XKR5: variants seen among roughly 807,000 people sequenced by gnomAD.
XKR5 encodes XK related 5, also known as XK-related protein 5.
In XKR5, 46 loss-of-function variants were observed where a neutral mutation model predicts 40.8. That is an observed-to-expected ratio of 1.13 (90% confidence interval 0.89 to 1.44). XKR5 has a LOEUF of 1.44. Ranked by LOEUF, XKR5 falls within the 40% of genes most tolerant of loss-of-function variation. The pLI is 0.00. For synonymous variants in XKR5, 466 were observed against 356.1 expected, an observed-to-expected ratio of 1.31 and a Z score of -3.48; for missense variants, 1,169 against 844.7, an observed-to-expected ratio of 1.38 and a Z score of -4.76.
At position 6,823,538 on chromosome 8, in the gene XKR5, CA is replaced by C. The variant is rs1563356441; in HGVS notation, c.619del (p.Trp207GlyfsTer12). ...LVLFYKAYHFWVFVVAGAHWL... is the reference protein window; with the variant it reads ...LVLFYKAYHFXVFVVAGAHWL... ...CAGCTCACCTGCAACCACAAAAACCCAAAAGTGGTAGGCTTTGTAGAACAGA... is the reference window on the plus strand; with the variant it reads ...CAGCTCACCTGCAACCACAAAAACCCAAAGTGGTAGGCTTTGTAGAACAGA... On this transcript the variant is annotated frameshift_variant, in exon 4 of 7. Coordinates refer to ENST00000618742, the MANE Select transcript of XKR5 (RefSeq NM_207411.5). LOFTEE classifies it high-confidence loss of function. 6.3e-7 allele frequency: 1 copy of C among 1,590,228 alleles called. No individual in the cohort carries two copies. The highest frequency in any genetic ancestry group is 2.3e-5 in the East Asian group (1 of 43,834).
chr8:6,831,409 G>A (rs1360079267), intron 2 of XKR5, among the ~76,000 whole-genome samples: 1 of 152,176 alleles, frequency 6.6e-6, no homozygotes, highest in Non-Finnish European at 1.5e-5. Flanking sequence ...GTCCAACTCT[G>A]AGGGTCCAGT....
chr8:6,823,380 C>G, intron 4 of XKR5, 141 bp downstream of exon 4: 1 of 855,492 alleles, frequency 1.2e-6, no homozygotes, highest in East Asian at 2.7e-5. Flanking sequence ...CTGAGGCCAC[C>G]CAAGCAAGAT....
intron 2 of XKR5, among the ~76,000 whole-genome samples, chr8:6,829,554 T>A (rs1253613716): frequency 1.3e-5 from 2 of 152,202 alleles, no homozygotes; most frequent in African/African-American, 4.8e-5. Context: ...CTCATTCTGT[T>A]GCCTAGGTTG....
At chr8:6,834,984 G>A (rs958253103) in intron 1 of XKR5, among the ~76,000 whole-genome samples, 2 of 152,304 alleles carry the variant, frequency 1.3e-5, no homozygotes, top group East Asian at 1.9e-4. Flanking sequence ...AAGTCGCAGG[G>A]TCCCCCTGGA....
intron 1 of XKR5, among the ~76,000 whole-genome samples, chr8:6,833,232 A>C (rs1052934397): frequency 6.6e-6 from 1 of 152,180 alleles, no homozygotes; most frequent in South Asian, 2.1e-4. Context: ...TATACCCCAA[A>C]GCCACAGAAA....
chr8:6,821,354 T>C (rs1804216322), intron 5 of XKR5, among the ~76,000 whole-genome samples: 2 of 152,232 alleles, frequency 1.3e-5, no homozygotes, highest in Admixed American at 1.3e-4. Flanking sequence ...AGCTACGTTC[T>C]GTCTGATTTT....
At position 6,811,976 on chromosome 8, in the gene XKR5, C is replaced by T. The variant is rs77060482; in HGVS notation, c.1283G>A (p.Ser428Asn). Residue 428 changes from serine (S) to asparagine (N), a missense_variant, in exon 7 of 7, where the codon AGT becomes AAT. Coordinates refer to ENST00000618742, the MANE Select transcript of XKR5 (RefSeq NM_207411.5). ...SKINAAFGDN[S>N]PAYCPPAWGL... The stretch of plus-strand genomic sequence containing the variant: ...CCATGCAGGTGGACAATAGGCAGGA[C>T]TGTTATCTCCAAAGGCGGCATTGAT... The T allele has an allele frequency of 6.5e-7, 1 of 1,537,318 alleles. No homozygotes were observed. The highest frequency in any genetic ancestry group is 8.7e-7 in the Non-Finnish European group (1 of 1,146,936).
intron 6 of XKR5, among the ~76,000 whole-genome samples, chr8:6,813,575 A>G (rs562300967): frequency 2.0e-5 from 3 of 152,264 alleles, no homozygotes; most frequent in Admixed American, 6.5e-5. Context: ...TTGGACTACA[A>G]TTTGGGTTCA....
rs370925407 is a variant in XKR5 at position 6,819,624 on chromosome 8, A to G, written c.807+2245T>C. 8.6e-4 allele frequency among the ~76,000 whole-genome samples: 131 copies of G among 152,276 alleles called. 2 individuals carry two copies. Among genetic ancestry groups the G allele is most frequent in the African/African-American group, 3.1e-3 (129 of 41,574 alleles). On this transcript the variant is annotated intron_variant, in intron 5 of 6. Coordinates refer to ENST00000618742, the MANE Select transcript of XKR5 (RefSeq NM_207411.5). ...CCAGACTCAGGTCTGGGCAGTGTGC[A>G]TGGTGAAGTGCGAGGTGAGCATGTC...
chr8:6,832,438 C>G (rs10098895), intron 2 of XKR5, among the ~76,000 whole-genome samples: 10,498 of 152,198 alleles, frequency 0.069, 1,182 homozygotes, highest in African/African-American at 0.24. Context: ...ACCAACAAAT[C>G]AAAACAGCAA....
At chr8:6,832,202 G>C (rs1205112526) in intron 2 of XKR5, among the ~76,000 whole-genome samples, 1 of 152,032 alleles carries the variant, frequency 6.6e-6, no homozygotes, top group African/African-American at 2.4e-5. Flanking sequence ...TCACGGATAA[G>C]CCCACCAGGC....
At chr8:6,829,634 G>C (rs1193337535) in intron 2 of XKR5, among the ~76,000 whole-genome samples, 1 of 152,130 alleles carries the variant, frequency 6.6e-6, no homozygotes, top group Non-Finnish European at 1.5e-5. Context: ...TCATGCTTCA[G>C]TCTCCTGAGT....
intron 5 of XKR5, among the ~76,000 whole-genome samples, chr8:6,816,216 G>C (rs1357677047): frequency 6.6e-6 from 1 of 152,170 alleles, no homozygotes; most frequent in African/African-American, 2.4e-5. Context: ...AGTCATTATG[G>C]GCTGAGAGGG....
In XKR5 at chr8:6,815,886, C is replaced by G. The variant is rs548843047; in HGVS notation, c.840G>C (p.Leu280=). The G allele has an allele frequency of 6.2e-7, 1 of 1,603,772 alleles. No homozygotes were observed. The highest frequency in any genetic ancestry group is 8.5e-7 in the Non-Finnish European group (1 of 1,175,238). Residue 280 remains leucine (L), a synonymous_variant, in exon 6 of 7, where the codon CTG becomes CTC. Coordinates refer to ENST00000618742, the MANE Select transcript of XKR5 (RefSeq NM_207411.5). The part of the protein sequence containing the change: ...VMLLENIILL[L]LATDFLQGAS... The stretch of plus-strand genomic sequence containing the variant: ...CCCCCTGGAGAAAGTCGGTGGCCAA[C>G]AGCAACAGGATGATGTTCTCCAACA...
rs1259616409 is a variant in XKR5 at position 6,811,214 on chromosome 8, G to A, written c.2045C>T (p.Pro682Leu). 8 of 1,535,340 alleles carry A rather than the reference G, an allele frequency of 5.2e-6. No individual in the cohort carries two copies. In the East Asian group the frequency reaches 7.3e-5, roughly 14 times the overall value. ...CSCREQMKQE[P>L]SFFI ...TGACTGTGGTCAGATGAAAAAACTC[G>A]GCTCTTGCTTCATCTGTTCCCTGCA... Residue 682 changes from proline to leucine, a missense_variant, in exon 7 of 7, where the codon CCG becomes CTG. Coordinates refer to ENST00000618742, the MANE Select transcript of XKR5 (RefSeq NM_207411.5).
chr8:6,812,215 G>T lies in XKR5; in HGVS notation c.1044C>A (p.Pro348=). The T allele has an allele frequency of 6.4e-7, 1 of 1,551,930 alleles. No homozygotes were observed. Among genetic ancestry groups the T allele is most frequent in the South Asian group, 1.2e-5 (1 of 84,072 alleles). ...GGDKTERRDS[P]RATDLAGKRT... Reference sequence around the variant, plus strand: ...TCTTCCCAGCTAGATCTGTGGCCCGGGGAGAATCTCTTCTCTCTGTTTTAT... The same window carrying T: ...TCTTCCCAGCTAGATCTGTGGCCCGTGGAGAATCTCTTCTCTCTGTTTTAT... The change falls in exon 7 of 7, where the codon CCC becomes CCA. Residue 348 remains proline, a synonymous_variant. Transcript: ENST00000618742.
At chr8:6,825,033 C>G in intron 3 of XKR5, 132 bp downstream of exon 3, 1 of 1,015,202 alleles carries the variant, frequency 9.9e-7, no homozygotes, top group South Asian at 1.6e-5. Context: ...ATCATCTGTG[C>G]CAGTGAGCTC....
rs372464533 is a variant in XKR5, at chr8:6,811,290, G to A, written c.1969C>T (p.Pro657Ser). The change falls in exon 7 of 7, where the codon CCC becomes TCC. Residue 657 changes from proline (P) to serine (S), a missense_variant. Pro to Ser is a moderately conservative substitution (Grantham distance 74, BLOSUM62 -1). Coordinates refer to ENST00000618742, the MANE Select transcript of XKR5 (RefSeq NM_207411.5). ...SLPQLRTAHE[P>S]CLTSTPKSES... ...GACTTAGGGGTGGACGTGAGGCAGG[G>A]CTCATGGGCAGTCCTCAGCTGTGGC... is the stretch of plus-strand genomic sequence containing the variant. The A allele has an allele frequency of 3.3e-5, 51 of 1,537,190 alleles. No individual in the cohort carries two copies. Among genetic ancestry groups the A allele is most frequent in the Non-Finnish European group, 4.0e-5 (46 of 1,146,946 alleles).
At chr8:6,831,782 A>G (rs151217679) in intron 2 of XKR5, among the ~76,000 whole-genome samples, 20 of 152,264 alleles carry the variant, frequency 1.3e-4, no homozygotes, top group African/African-American at 4.6e-4. Flanking sequence ...TTGGGAGGCC[A>G]AGGTGGGCGG....
Sources: gnomAD v4.1 joint callset for allele counts (sites outside exome capture counted in the v4.1 genomes callset) on GRCh38, gnomAD v4.1.1 for gene constraint, MANE v1.5 for transcripts, NCBI Gene and HGNC (gene_info 2026-07-23, HGNC 2026-07-21) for gene names.